SVIL: variants seen among roughly 807,000 people sequenced by gnomAD.
SVIL encodes supervillin, also known as archvillin.
In SVIL, 101 loss-of-function variants were observed where a neutral mutation model predicts 240.4. That is an observed-to-expected ratio of 0.42 (90% CI 0.36 to 0.50). SVIL has a LOEUF of 0.50. Ranked by LOEUF, SVIL falls within the 20% of genes least tolerant of loss-of-function variation. SVIL has a pLI of 0.01. For synonymous variants in SVIL, 999 were observed against 1,100.0 expected, an observed-to-expected ratio of 0.91 and a Z score of 1.82; for missense variants, 2,512 against 2,818.7, an observed-to-expected ratio of 0.89 and a Z score of 2.46.
chr10:29,730,913 G>A (rs1228167522), intron 1 of SVIL, among the ~76,000 whole-genome samples: 1 of 152,216 alleles, frequency 6.6e-6, no homozygotes, highest in Non-Finnish European at 1.5e-5. Flanking sequence ...CAATAATTAG[G>A]AAGGCAAGAT....
In SVIL at chr10:29,531,267, C is replaced by T. The variant is rs763615891; in HGVS notation, c.2031G>A (p.Thr677=). Reference sequence around the variant, plus strand: ...ACAGGTACTTGCCATCGACAGTTGGCGTTTCTGAATGTGAAGTGCACCTAG... The same window carrying T: ...ACAGGTACTTGCCATCGACAGTTGGTGTTTCTGAATGTGAAGTGCACCTAG... The part of the protein sequence containing the change: ...ESDRCTSHSE[T]PTVDDEEKVD... Residue 677 remains threonine, a synonymous_variant, in exon 10 of 38, where the codon ACG becomes ACA. Transcript: ENST00000355867. 17 of 1,613,674 alleles carry T rather than the reference C, an allele frequency of 1.1e-5. No individual in the cohort carries two copies. The highest frequency in any genetic ancestry group is 2.2e-5 in the East Asian group (1 of 44,874).
intron 1 of SVIL, among the ~76,000 whole-genome samples, chr10:29,596,687 GA>G (rs1210023226): frequency 6.6e-6 from 1 of 152,166 alleles, no homozygotes; most frequent in Non-Finnish European, 1.5e-5. Context: ...CTCATGTATG[GA>G]AACCAAGTTC....
At chr10:29,505,662 C>T (rs368099872) in intron 17 of SVIL, among the ~76,000 whole-genome samples, 7 of 152,212 alleles carry the variant, frequency 4.6e-5, no homozygotes, top group African/African-American at 7.2e-5. Flanking sequence ...TAAATTTTAA[C>T]GTAATCTATT....
chr10:29,683,702 C>T (rs1960839810), intron 2 of SVIL, among the ~76,000 whole-genome samples: 1 of 152,184 alleles, frequency 6.6e-6, no homozygotes, highest in Non-Finnish European at 1.5e-5. Flanking sequence ...ACATCTTCTC[C>T]CTCGGGCAGA....
intron 17 of SVIL, among the ~76,000 whole-genome samples, chr10:29,505,694 T>C (rs184122926): frequency 5.0e-4 from 76 of 152,276 alleles, no homozygotes; most frequent in African/African-American, 1.8e-3. Flanking sequence ...TAATGACGCG[T>C]CAACGTAGGT....
intron 22 of SVIL, 145 bp downstream of exon 22, chr10:29,490,702 A>G (rs1947875087): frequency 1.1e-6 from 1 of 883,932 alleles, no homozygotes; most frequent in African/African-American, 1.7e-5. Context: ...GTGCACATGT[A>G]TGTGCAAACT....
chr10:29,705,143 G>A (rs938149675), intron 1 of SVIL, among the ~76,000 whole-genome samples: 1 of 152,056 alleles, frequency 6.6e-6, no homozygotes, highest in African/African-American at 2.4e-5. Flanking sequence ...GAAATTAAAG[G>A]AAAAATGCAA....
intron 1 of SVIL, among the ~76,000 whole-genome samples, chr10:29,695,385 C>T (rs1961847297): frequency 6.6e-6 from 1 of 152,160 alleles, no homozygotes; most frequent in Non-Finnish European, 1.5e-5. Context: ...CCTGACTTCA[C>T]CACTACACAA....
chr10:29,639,972 A>C (rs941971899), upstream of SVIL, among the ~76,000 whole-genome samples: 1 of 152,172 alleles, frequency 6.6e-6, no homozygotes, highest in Non-Finnish European at 1.5e-5. Context: ...CAGGTCATGC[A>C]CAGAAGAGAT....
chr10:29,630,121 G>A (rs543321959), intron 1 of SVIL, among the ~76,000 whole-genome samples: 2 of 152,146 alleles, frequency 1.3e-5, no homozygotes, highest in South Asian at 4.2e-4. Flanking sequence ...ATCCCTGTCC[G>A]AGACACTCTG....
chr10:29,474,067 C>G, intron 29 of SVIL, 78 bp from the exon 30 acceptor site: 8 of 1,554,728 alleles, frequency 5.1e-6, no homozygotes, highest in Non-Finnish European at 6.9e-6. Flanking sequence ...CTCACTTTCC[C>G]CGGGCCTGCA....
chr10:29,716,985 C>T (rs1214693325), intron 1 of SVIL, among the ~76,000 whole-genome samples: 5 of 152,162 alleles, frequency 3.3e-5, no homozygotes, highest in African/African-American at 1.2e-4. Context: ...AATCCCAGCA[C>T]TTTGGGAGGC....
In SVIL at chr10:29,481,620, C is replaced by T. The variant is rs149484626; in HGVS notation, c.5064G>A (p.Ser1688=). 3.3e-5 allele frequency: 53 copies of T among 1,614,130 alleles called. No homozygotes were observed. The African/African-American group carries it at 5.3e-4, about 16-fold the overall frequency. The part of the protein sequence containing the change: ...KFLDWTELKR[S]NEKNPGELAQ... ...CAAGTTCCCCGGGGTTCTTCTCATTCGATCTCTTCAGTTCCGTCCAATCCA... is the reference window on the plus strand; with the variant it reads ...CAAGTTCCCCGGGGTTCTTCTCATTTGATCTCTTCAGTTCCGTCCAATCCA... The change falls in exon 28 of 38, where the codon TCG becomes TCA. Residue 1688 remains serine, a synonymous_variant. Coordinates refer to ENST00000355867, the MANE Select transcript of SVIL (RefSeq NM_021738.3).
At chr10:29,522,744 G>T in intron 15 of SVIL, 109 bp from the exon 16 acceptor site, 3 of 1,240,926 alleles carry the variant, frequency 2.4e-6, no homozygotes, top group Non-Finnish European at 3.3e-6. Flanking sequence ...GGCACACGGC[G>T]GGTGACCCAA....
At chr10:29,493,718 G>T (rs1263619718) in intron 20 of SVIL, among the ~76,000 whole-genome samples, 2 of 152,168 alleles carry the variant, frequency 1.3e-5, no homozygotes, top group African/African-American at 4.8e-5. Flanking sequence ...TGAAGGGTTG[G>T]CAAACTTTTT....
At chr10:29,562,350 G>C (rs2132691441) in intron 3 of SVIL, among the ~76,000 whole-genome samples, 1 of 152,358 alleles carries the variant, frequency 6.6e-6, no homozygotes, top group East Asian at 1.9e-4. Context: ...GCCTTGACCA[G>C]TGGAAATAGT....
At chr10:29,525,775 T>C (rs1385539962) in intron 13 of SVIL, among the ~76,000 whole-genome samples, 2 of 152,184 alleles carry the variant, frequency 1.3e-5, no homozygotes, top group East Asian at 3.9e-4. Flanking sequence ...GTAAAGGAGA[T>C]ATTCTGCCTT....
Position 29,532,046 on chromosome 10 carries a change from A to C in SVIL, c.1965T>G (p.Phe655Leu). Residue 655 changes from phenylalanine (F) to leucine (L), a missense_variant, in exon 9 of 38, where the codon TTT becomes TTG. Coordinates refer to ENST00000355867, the MANE Select transcript of SVIL (RefSeq NM_021738.3). ...PGESRKTSERFRTQPITSAER... is the reference protein window; with the variant it reads ...PGESRKTSERLRTQPITSAER... ...CTGCTGAAGTTATAGGTTGGGTTCT[A>C]AATCTCTCGGAAGTTTTTCTACTTT... is the stretch of plus-strand genomic sequence containing the variant. 6.2e-7 allele frequency: 1 copy of C among 1,614,158 alleles called. No individual in the cohort carries two copies. The highest frequency in any genetic ancestry group is 8.5e-7 in the Non-Finnish European group (1 of 1,180,014).
At chr10:29,678,432 C>T (rs767698183) in intron 2 of SVIL, among the ~76,000 whole-genome samples, 6 of 152,032 alleles carry the variant, frequency 3.9e-5, no homozygotes, top group Admixed American at 1.3e-4. Flanking sequence ...CGACAGGAGG[C>T]GGAACTCAGG....
Sources: allele counts gnomAD v4.1 joint callset (sites outside exome capture counted in the v4.1 genomes callset), GRCh38; gene constraint gnomAD v4.1.1; transcripts MANE v1.5; gene names NCBI Gene and HGNC (gene_info 2026-07-23, HGNC 2026-07-21).